The following MED27 variants were observed in gnomAD, a reference collection of about 807,000 sequenced individuals.
MED27 encodes mediator of RNA polymerase II transcription subunit 27.
MED27 carries 30 observed loss-of-function variants against 38.2 expected under a neutral mutation model. The observed-to-expected ratio is 0.79, with a 90% CI of 0.59 to 1.07. MED27 has a LOEUF of 1.07. Among genes scored for constraint, MED27 ranks in the 50% least tolerant of loss-of-function variants. The probability of loss-of-function intolerance (pLI) is 0.00; values close to 1 mark genes in which losing one functional copy is unlikely to be tolerated. For synonymous variants in MED27, 122 were observed against 153.5 expected (o/e 0.79, Z 1.52); for missense variants, 289 against 397.5 (o/e 0.73, Z 2.32).
At chr9:131,954,176 T>C (rs1013073795) in intron 3 of MED27, among the ~76,000 whole-genome samples, 3 of 152,152 alleles carry the variant, frequency 2.0e-5, no homozygotes, top group African/African-American at 7.2e-5. Context: ...ACAAGCACCC[T>C]AGGAGTGGCC....
At chr9:131,991,687 A>T (rs936765919) in intron 3 of MED27, among the ~76,000 whole-genome samples, 4 of 152,156 alleles carry the variant, frequency 2.6e-5, no homozygotes, top group African/African-American at 7.2e-5. Context: ...AATAGTTTTC[A>T]GTGTCTTGGA....
At chr9:132,040,807 C>T (rs1833192723) in intron 2 of MED27, among the ~76,000 whole-genome samples, 1 of 152,210 alleles carries the variant, frequency 6.6e-6, no homozygotes, top group Non-Finnish European at 1.5e-5. Context: ...TCTAGGAAGG[C>T]CCAGGCAACG....
At chr9:132,037,165 A>T (rs1213911895) in intron 2 of MED27, among the ~76,000 whole-genome samples, 2 of 152,232 alleles carry the variant, frequency 1.3e-5, no homozygotes, top group Non-Finnish European at 2.9e-5. Flanking sequence ...GGAGCGCGCC[A>T]CACACAATCA....
At chr9:132,078,675 G>A (rs1179784722) in intron 1 of MED27, among the ~76,000 whole-genome samples, 1 of 152,040 alleles carries the variant, frequency 6.6e-6, no homozygotes, top group Non-Finnish European at 1.5e-5. Flanking sequence ...AGACCAAGTT[G>A]AAAAAACAAA....
At chr9:131,954,093 C>A (rs1051391274) in intron 3 of MED27, among the ~76,000 whole-genome samples, 1 of 152,212 alleles carries the variant, frequency 6.6e-6, no homozygotes, top group African/African-American at 2.4e-5. Context: ...CATGAGCCAC[C>A]ATGCCCAGCC....
At chr9:131,958,155 T>C (rs573834454) in intron 3 of MED27, among the ~76,000 whole-genome samples, 1 of 152,204 alleles carries the variant, frequency 6.6e-6, no homozygotes, top group Non-Finnish European at 1.5e-5. Flanking sequence ...TAAGTTATAC[T>C]TCAAGTTGAT....
intron 2 of MED27, among the ~76,000 whole-genome samples, chr9:132,033,475 T>A (rs1833007607): frequency 1.3e-5 from 2 of 152,218 alleles, no homozygotes. Context: ...TTTGGTAAAT[T>A]TAGAGTCTTG....
chr9:131,972,680 G>T (rs1289508703), intron 3 of MED27, among the ~76,000 whole-genome samples: 3 of 152,190 alleles, frequency 2.0e-5, no homozygotes, highest in Admixed American at 2.0e-4. Context: ...TGCTTTCATG[G>T]GAACAAGGTC....
chr9:131,998,265 G>C (rs1832140315), intron 3 of MED27, among the ~76,000 whole-genome samples: 1 of 149,990 alleles, frequency 6.7e-6, no homozygotes, highest in African/African-American at 2.5e-5. Flanking sequence ...AAAAAAAAAA[G>C]ACACATTTTT....
At chr9:131,867,304 C>A (rs1838753977) in intron 6 of MED27, among the ~76,000 whole-genome samples, 1 of 152,186 alleles carries the variant, frequency 6.6e-6, no homozygotes, top group Non-Finnish European at 1.5e-5. Context: ...CTCTAAGGTG[C>A]TGGGGCATCT....
intron 2 of MED27, among the ~76,000 whole-genome samples, chr9:132,022,517 A>C (rs1832738172): frequency 6.6e-6 from 1 of 152,200 alleles, no homozygotes; most frequent in Non-Finnish European, 1.5e-5. Flanking sequence ...TATAAATATT[A>C]CTTTGAGCAG....
At chr9:131,989,815 A>T (rs1831931979) in intron 3 of MED27, among the ~76,000 whole-genome samples, 1 of 151,882 alleles carries the variant, frequency 6.6e-6, no homozygotes, top group Non-Finnish European at 1.5e-5. Context: ...AAATCCTGGC[A>T]TCACTATCAA....
intron 2 of MED27, among the ~76,000 whole-genome samples, chr9:132,067,878 A>AT (rs2131160040): frequency 6.6e-6 from 1 of 152,010 alleles, no homozygotes; most frequent in East Asian, 1.9e-4. Context: ...TGCTTGGCTA[A>AT]TTTTTTGTAT....
chr9:131,867,460 C>A (rs1838757103), intron 6 of MED27, among the ~76,000 whole-genome samples: 1 of 152,232 alleles, frequency 6.6e-6, no homozygotes, highest in African/African-American at 2.4e-5. Flanking sequence ...ACTCAGCATC[C>A]TCCTCCTCTC....
chr9:132,058,927 G>A (rs888115631), intron 2 of MED27, among the ~76,000 whole-genome samples: 2 of 152,188 alleles, frequency 1.3e-5, no homozygotes, highest in Admixed American at 6.5e-5. Context: ...AGAATGAAGC[G>A]TCTTACACTT....
chr9:131,915,378 C>A (rs545896694), intron 4 of MED27, among the ~76,000 whole-genome samples: 1 of 152,118 alleles, frequency 6.6e-6, no homozygotes, highest in African/African-American at 2.4e-5. Context: ...TAGATGGATG[C>A]GCAGTGAAAT....
At chr9:131,873,330 A>T (rs1838868512) in intron 6 of MED27, among the ~76,000 whole-genome samples, 1 of 152,226 alleles carries the variant, frequency 6.6e-6, no homozygotes, top group South Asian at 2.1e-4. Context: ...TGAAAAGAGG[A>T]GCCATCATTA....
Position 132,003,303 on chromosome 9 carries a change from C to T in MED27, c.479+11034G>A, listed in dbSNP as rs183803324. Among the ~76,000 whole-genome samples, 101 of 152,352 alleles carry T rather than the reference C, an allele frequency of 6.6e-4. 1 individual carries two copies. The highest frequency in any genetic ancestry group is 2.6e-4 in the Non-Finnish European group (18 of 68,038). ...TGCTTCTGCAGGCTGCCACATTCAA[C>T]TTAGTGCTTAATGGCCAGGTTCTTT... On this transcript the variant is annotated intron_variant, in intron 3 of 7. Transcript: ENST00000292035. This position sits in a 1 kb window ranked among gnomAD's most constrained non-coding sequence, Gnocchi z 4.2.
At position 131,868,681 on chromosome 9, in the gene MED27, G is replaced by C. The variant is rs1188599152; in HGVS notation, c.724-5541C>G. The C allele has an allele frequency of 7.1e-6, 7 of 985,374 alleles. No homozygotes were observed. In the African/African-American group the frequency reaches 1.2e-4, roughly 17 times the overall value. 61.0% of individuals were successfully genotyped at this position (985,374 alleles called of 1,614,324 possible). ...CAGTGTGGGAGCCCGAACACTGGGA[G>C]GCCCAGGCCTCTGCCCACCTCCTAC... On this transcript the variant is annotated intron_variant, in intron 6 of 7. Transcript: ENST00000292035.
Sources: allele counts gnomAD v4.1 joint callset (sites outside exome capture counted in the v4.1 genomes callset), GRCh38; gene constraint gnomAD v4.1.1; non-coding constraint Gnocchi (gnomAD v3.1); transcripts MANE v1.5; gene names NCBI Gene and HGNC (gene_info 2026-07-23, HGNC 2026-07-21).